EPHA5: variants seen among roughly 807,000 people sequenced by gnomAD.
EPHA5 encodes ephrin type-A receptor 5.
Under a neutral mutation model 105.0 loss-of-function variants are expected in EPHA5, and 60 were observed. The ratio of observed to expected loss-of-function variants is 0.57; its 90% confidence interval spans 0.46 to 0.71. EPHA5 has a LOEUF of 0.71. Ranked by LOEUF, EPHA5 falls within the 30% of genes least tolerant of loss-of-function variation. EPHA5 has a pLI of 0.00. For missense variants in EPHA5, 1,218 were observed against 1,274.7 expected (o/e 0.96, Z 0.68); for synonymous variants, 513 against 449.1 (o/e 1.14, Z -1.80).
At chr4:65,416,971 C>T (rs1256218853) in intron 6 of EPHA5, among the ~76,000 whole-genome samples, 1 of 152,180 alleles carries the variant, frequency 6.6e-6, no homozygotes, top group Non-Finnish European at 1.5e-5. Context: ...AGTCCTTGGT[C>T]AGGGCAGTGA....
intron 2 of EPHA5, among the ~76,000 whole-genome samples, chr4:65,606,794 T>C (rs1321119300): frequency 6.6e-6 from 1 of 152,138 alleles, no homozygotes; most frequent in African/African-American, 2.4e-5. Flanking sequence ...TATGGACATA[T>C]TTCATATTTC....
intron 8 of EPHA5, among the ~76,000 whole-genome samples, chr4:65,377,716 C>T (rs1253377701): frequency 2.0e-5 from 3 of 151,882 alleles, no homozygotes; most frequent in Non-Finnish European, 4.4e-5. Flanking sequence ...CCAGATATTG[C>T]AACACTCAAG....
chr4:65,576,000 G>GAGAGAAAGAAAGAAAGAA (rs1553943368), intron 3 of EPHA5, among the ~76,000 whole-genome samples: 1 of 29,732 alleles, frequency 3.4e-5, no homozygotes, highest in Non-Finnish European at 6.6e-5. Flanking sequence ...GAGAGAGAGA[G>GAGAGAAAGAAAGAAAGAA]AGAAAGAAAG....
At chr4:65,530,996 ATTT>A (rs1004854366) in intron 3 of EPHA5, among the ~76,000 whole-genome samples, 4 of 111,858 alleles carry the variant, frequency 3.6e-5, no homozygotes, top group African/African-American at 1.0e-4. Flanking sequence ...AGCTGGATGG[ATTT>A]TTTTTTATTT....
chr4:65,542,838 A>G (rs1027019944), intron 3 of EPHA5, among the ~76,000 whole-genome samples: 1 of 152,184 alleles, frequency 6.6e-6, no homozygotes, highest in African/African-American at 2.4e-5. Flanking sequence ...AATACTGGCA[A>G]ATCAAATTCA....
intron 1 of EPHA5, among the ~76,000 whole-genome samples, chr4:65,662,496 A>T (rs1749635174): frequency 1.3e-5 from 2 of 152,182 alleles, no homozygotes; most frequent in Admixed American, 1.3e-4. Flanking sequence ...AATCCCAATT[A>T]TTTAATCTGT....
intron 13 of EPHA5, among the ~76,000 whole-genome samples, chr4:65,348,681 T>TA (rs1722467855): frequency 1.2e-5 from 1 of 80,676 alleles, no homozygotes; most frequent in African/African-American, 4.2e-5. Flanking sequence ...TATATATATA[T>TA]ATATATATAT....
chr4:65,491,398 A>C (rs1731384976), intron 4 of EPHA5, among the ~76,000 whole-genome samples: 1 of 152,128 alleles, frequency 6.6e-6, no homozygotes, highest in Non-Finnish European at 1.5e-5. Context: ...AAAATCTAAA[A>C]TTTATTTTAA....
chr4:65,467,764 A>G (rs575877294), intron 5 of EPHA5, among the ~76,000 whole-genome samples: 1 of 152,346 alleles, frequency 6.6e-6, no homozygotes, highest in East Asian at 1.9e-4. Context: ...CAGATAGAAT[A>G]AAGTTTGCTA....
chr4:65,409,981 C>T (rs186703419), intron 7 of EPHA5, among the ~76,000 whole-genome samples: 5 of 152,212 alleles, frequency 3.3e-5, no homozygotes, highest in African/African-American at 7.2e-5. Context: ...ATGATAGAGC[C>T]GTTTTGGAAA....
chr4:65,664,580 T>C (rs1749811508), intron 1 of EPHA5, among the ~76,000 whole-genome samples: 1 of 151,942 alleles, frequency 6.6e-6, no homozygotes, highest in Non-Finnish European at 1.5e-5. Context: ...CCATTAGGTA[T>C]ATAAGTATAC....
At chr4:65,469,960 A>G (rs1237824400) in intron 5 of EPHA5, among the ~76,000 whole-genome samples, 1 of 152,122 alleles carries the variant, frequency 6.6e-6, no homozygotes. Flanking sequence ...AAAAAGCCAA[A>G]ATAGCCATTA....
intron 8 of EPHA5, among the ~76,000 whole-genome samples, chr4:65,385,777 G>A (rs569389933): frequency 6.6e-6 from 1 of 151,632 alleles, no homozygotes; most frequent in South Asian, 2.1e-4. Context: ...TAAAATATTC[G>A]TAATTGTGAC....
At chr4:65,465,436 TAAAG>T (rs71205369) in intron 5 of EPHA5, among the ~76,000 whole-genome samples, 3 of 25,080 alleles carry the variant, frequency 1.2e-4, no homozygotes, top group Admixed American at 6.5e-4. Context: ...CCCACCCCTC[TAAAG>T]AAAGAAAGAA....
intron 3 of EPHA5, among the ~76,000 whole-genome samples, chr4:65,574,663 TATAC>T (rs1357020899): frequency 1.7e-4 from 8 of 46,072 alleles, no homozygotes; most frequent in South Asian, 9.0e-4. Context: ...CACATATATA[TATAC>T]ACATATATAT....
intron 3 of EPHA5, among the ~76,000 whole-genome samples, chr4:65,512,904 C>T (rs1157235786): frequency 6.6e-6 from 1 of 151,762 alleles, no homozygotes; most frequent in Non-Finnish European, 1.5e-5. Context: ...AATATTAAAA[C>T]AATCTGCTGG....
chr4:65,503,908 T>TACACACACACAC (rs34693427), intron 3 of EPHA5, among the ~76,000 whole-genome samples: 84 of 145,444 alleles, frequency 5.8e-4, no homozygotes, highest in South Asian at 1.3e-3. Context: ...ATGTGTGTGA[T>TACACACACACAC]ACACACACAC....
chr4:65,639,770 T>G (rs1404278198), intron 2 of EPHA5, among the ~76,000 whole-genome samples: 1 of 152,186 alleles, frequency 6.6e-6, no homozygotes, highest in Admixed American at 6.5e-5. Flanking sequence ...GTTCATTAAT[T>G]TTTCTTTCTG....
intron 5 of EPHA5, among the ~76,000 whole-genome samples, chr4:65,453,445 G>C (rs898922127): frequency 3.3e-5 from 5 of 152,158 alleles, no homozygotes; most frequent in Non-Finnish European, 5.9e-5. Context: ...ATTGGTCACA[G>C]AGAGAACCAA....
Sources: allele counts gnomAD v4.1 joint callset (sites outside exome capture counted in the v4.1 genomes callset), GRCh38; gene constraint gnomAD v4.1.1; transcripts MANE v1.5; gene names NCBI Gene and HGNC (gene_info 2026-07-23, HGNC 2026-07-21).